The following ZFHX3 variants were observed in gnomAD, a reference collection of about 807,000 sequenced individuals.
ZFHX3 encodes zinc finger homeobox protein 3.
In ZFHX3, 42 loss-of-function variants were observed where a neutral mutation model predicts 279.1. The ratio of observed to expected loss-of-function variants is 0.15; its 90% CI spans 0.12 to 0.19. ZFHX3 has a LOEUF of 0.19. ZFHX3 is among the 10% of genes least tolerant of loss of function. The probability of loss-of-function intolerance (pLI) is 1.00; values close to 1 mark genes in which losing one functional copy is unlikely to be tolerated. For missense variants in ZFHX3, 4,981 were observed against 4,754.0 expected, an observed-to-expected ratio of 1.05 and a Z score of -1.40; for synonymous variants, 2,293 against 1,957.8, an observed-to-expected ratio of 1.17 and a Z score of -4.52.
chr16:73,699,890 G>A (rs1351851858), intron 1 of ZFHX3, among the ~76,000 whole-genome samples: 1 of 152,082 alleles, frequency 6.6e-6, no homozygotes, highest in East Asian at 1.9e-4. Flanking sequence ...ATATTAAAAT[G>A]ATAACAAGGA....
chr16:73,683,902 T>C (rs2053052115), intron 1 of ZFHX3, among the ~76,000 whole-genome samples: 1 of 152,226 alleles, frequency 6.6e-6, no homozygotes, highest in East Asian at 1.9e-4. Context: ...CATGTAGTAA[T>C]ATTTCTTGTT....
At chr16:73,876,253 C>T (rs182412394) in intron 1 of ZFHX3, among the ~76,000 whole-genome samples, 1 of 152,216 alleles carries the variant, frequency 6.6e-6, no homozygotes, top group African/African-American at 2.4e-5. Flanking sequence ...AATTTGTAGA[C>T]AGTCATGAAA....
intron 2 of ZFHX3, among the ~76,000 whole-genome samples, chr16:73,565,602 C>T (rs1030645499): frequency 8.5e-5 from 13 of 152,168 alleles, no homozygotes; most frequent in Non-Finnish European, 1.9e-4. Flanking sequence ...CAGCTAGTCT[C>T]GTGTTCTAAA....
intron 1 of ZFHX3, among the ~76,000 whole-genome samples, chr16:73,800,226 T>C (rs2142324992): frequency 6.6e-6 from 1 of 151,938 alleles, no homozygotes; most frequent in Non-Finnish European, 1.5e-5. Context: ...TATTGTAATT[T>C]TTTTTTTTTT....
rs116156975 is a variant in ZFHX3 at position 73,144,882 on chromosome 16, T to C, written c.-1103-1051A>G. On this transcript the variant is annotated intron_variant, in intron 5 of 17. Transcript: ENST00000641206. Reference sequence around the variant, plus strand: ...AAGCTGACATTCCTGGGATAATCCATATTTCAACCTAACTACCCTGGCATA... The same window carrying C: ...AAGCTGACATTCCTGGGATAATCCACATTTCAACCTAACTACCCTGGCATA... Among the ~76,000 whole-genome samples, 1,391 of 152,326 alleles carry C rather than the reference T, an allele frequency of 9.1e-3. 26 individuals carry two copies. Among genetic ancestry groups the C allele is most frequent in the African/African-American group, 0.032 (1,311 of 41,562 alleles).
At chr16:73,817,257 A>G (rs750268585) in intron 1 of ZFHX3, among the ~76,000 whole-genome samples, 34 of 152,240 alleles carry the variant, frequency 2.2e-4, no homozygotes, top group Non-Finnish European at 3.8e-4. Context: ...TCTAAGGAAC[A>G]GGGCCAGTGA....
chr16:73,837,620 ATTTTCTTTTCTTTTC>A (rs71727423), intron 1 of ZFHX3, among the ~76,000 whole-genome samples: 5 of 150,702 alleles, frequency 3.3e-5, no homozygotes, highest in South Asian at 2.1e-4. Flanking sequence ...CATTGCTGCT[ATTTTCTTTTCTTTTC>A]TTTTCTTTTC....
chr16:73,025,473 C>T (rs910236568), intron 1 of ZFHX3, among the ~76,000 whole-genome samples: 1 of 152,206 alleles, frequency 6.6e-6, no homozygotes, highest in African/African-American at 2.4e-5. Context: ...ATTGTGGAGC[C>T]CTCACGGACT....
At chr16:73,622,960 T>C (rs2052378989) in intron 2 of ZFHX3, among the ~76,000 whole-genome samples, 6 of 152,212 alleles carry the variant, frequency 3.9e-5, no homozygotes, top group Admixed American at 3.9e-4. Flanking sequence ...ATCTACGTTG[T>C]TTTTATCCTC....
rs1382201230 is a variant in ZFHX3 at position 73,184,686 on chromosome 16, G to A, written c.-1103-40855C>T. On this transcript the variant is annotated intron_variant, in intron 5 of 17. Transcript: ENST00000641206. ...GCAGGGTCCTAGAACATCCTTGATT[G>A]CCTGGCATCTTTAATTAAAAGTGAA... Among the ~76,000 whole-genome samples the A allele has an allele frequency of 2.0e-5, 3 of 152,172 alleles. No individual in the cohort carries two copies. The East Asian group carries it at 5.8e-4, about 29-fold the overall frequency.
chr16:72,928,937 G>A (rs534925655), intron 3 of ZFHX3, among the ~76,000 whole-genome samples: 3 of 152,272 alleles, frequency 2.0e-5, no homozygotes, highest in South Asian at 4.1e-4. Flanking sequence ...ACTCCAGGCT[G>A]GACAACAGAA....
At chr16:73,401,207 C>T (rs1343211586) in intron 3 of ZFHX3, 1 of 152,014 alleles carries the variant, frequency 6.6e-6, no homozygotes, top group Non-Finnish European at 1.5e-5. Context: ...AATTGCTTTT[C>T]CCTCAGAAAA....
exon 1 of ZFHX3, chr16:73,059,333 ACACAC>A (rs1434713393): frequency 1.0e-4 from 1 of 9,972 alleles, no homozygotes; most frequent in Non-Finnish European, 2.2e-4. Flanking sequence ...TGTATTAAAA[ACACAC>A]ACACACACAC....
chr16:73,298,106 G>A (rs1418818754), intron 4 of ZFHX3, among the ~76,000 whole-genome samples: 1 of 151,742 alleles, frequency 6.6e-6, no homozygotes, highest in African/African-American at 2.4e-5. Flanking sequence ...TAGGAGGAGT[G>A]CTTGAGTCTA....
chr16:72,909,355 G>A (rs1389414823), intron 3 of ZFHX3, among the ~76,000 whole-genome samples: 1 of 152,194 alleles, frequency 6.6e-6, no homozygotes, highest in African/African-American at 2.4e-5. Context: ...AGGCATGACT[G>A]TGTTCCAATA....
rs75848621 is a variant in ZFHX3 at position 72,788,793 on chromosome 16, G to A, written c.9483C>T (p.Ser3161=). 1.7e-4 allele frequency: 257 copies of A among 1,545,950 alleles called. No individual in the cohort carries two copies. The African/African-American group carries it at 3.3e-3, about 20-fold the overall frequency. ...GTAATCCAGAAGTGGGGAGGCCAGGGGAAGGAACAGTTGTGCTGGGCAGAC... is the reference window on the plus strand; with the variant it reads ...GTAATCCAGAAGTGGGGAGGCCAGGAGAAGGAACAGTTGTGCTGGGCAGAC... ...LMGLPSTTVP[S]PGLPTSGLPN... is the part of the protein sequence containing the mutation. Residue 3161 remains serine (S), a synonymous_variant, in exon 10 of 10, where the codon TCC becomes TCT. Coordinates refer to ENST00000268489, the MANE Select transcript of ZFHX3 (RefSeq NM_006885.4).
At position 73,571,379 on chromosome 16, in the gene ZFHX3, G is replaced by A. The variant is rs537547513; in HGVS notation, c.-1547+108801C>T. On this transcript the variant is annotated intron_variant, in intron 2 of 17. Coordinates refer to the ZFHX3 transcript ENST00000641206. ...AAAAGGTGATTTATATAAGTAATAA[G>A]CAAATTCCAGAGTATGGAGATATAT... Among the ~76,000 whole-genome samples, 40 of 152,202 alleles carry A rather than the reference G, an allele frequency of 2.6e-4. No individual in the cohort carries two copies. In the South Asian group the frequency reaches 2.7e-3, roughly 10 times the overall value.
chr16:73,617,256 C>T (rs1187216030), intron 2 of ZFHX3, among the ~76,000 whole-genome samples: 1 of 152,128 alleles, frequency 6.6e-6, no homozygotes, highest in Non-Finnish European at 1.5e-5. Flanking sequence ...AGCTGCAGAC[C>T]ACGCGGTGGC....
At chr16:73,628,182 T>C (rs2052436242) in intron 2 of ZFHX3, among the ~76,000 whole-genome samples, 1 of 152,240 alleles carries the variant, frequency 6.6e-6, no homozygotes, top group Admixed American at 6.5e-5. Flanking sequence ...GAATGCAGTC[T>C]ATAAGCTTTC....
Sources: gnomAD v4.1 joint callset for allele counts (sites outside exome capture counted in the v4.1 genomes callset) on GRCh38, gnomAD v4.1.1 for gene constraint, MANE v1.5 for transcripts, NCBI Gene and HGNC (gene_info 2026-07-23, HGNC 2026-07-21) for gene names.